Variants in SLC39A11 observed in about 807,000 individuals in gnomAD.
The protein encoded by SLC39A11 is zinc transporter ZIP11.
SLC39A11 carries 33 observed loss-of-function variants against 36.1 expected under a neutral mutation model. That is an observed-to-expected ratio of 0.91 (90% CI 0.69 to 1.22). SLC39A11 has a LOEUF of 1.22. Among genes scored for constraint, SLC39A11 ranks in the 50% most tolerant of loss-of-function variants. The pLI is 0.00. For synonymous variants in SLC39A11, 166 were observed against 170.3 expected, an observed-to-expected ratio of 0.97 and a Z score of 0.20; for missense variants, 432 against 430.3, an observed-to-expected ratio of 1.00 and a Z score of -0.03.
chr17:72,971,106 A>C (rs2148044614), intron 4 of SLC39A11, among the ~76,000 whole-genome samples: 1 of 152,260 alleles, frequency 6.6e-6, no homozygotes, highest in Non-Finnish European at 1.5e-5. Flanking sequence ...CTGCTTTCTG[A>C]TCAGTCTCTG....
At chr17:72,943,159 T>C (rs2085221129) in intron 5 of SLC39A11, among the ~76,000 whole-genome samples, 3 of 152,148 alleles carry the variant, frequency 2.0e-5, no homozygotes, top group Admixed American at 2.0e-4. Context: ...CTGAACTCCA[T>C]CGTGTTCCCG....
In SLC39A11 at chr17:72,892,120, T is replaced by G. The variant is rs2081779553; in HGVS notation, c.431-42316A>C. 3.3e-5 allele frequency among the ~76,000 whole-genome samples: 5 copies of G among 152,222 alleles called. No individual in the cohort carries two copies. The South Asian group carries it at 1.0e-3, about 32-fold the overall frequency. On this transcript the variant is annotated intron_variant, in intron 5 of 9. Transcript: ENST00000255559. ...ACATTAATAATTTCTTGTCTAATTA[T>G]AAAAAGTTATTAGAGGCTGGGCGCA... is the stretch of plus-strand genomic sequence containing the variant.
chr17:72,797,430 T>A (rs1197073652), intron 6 of SLC39A11, among the ~76,000 whole-genome samples: 1 of 152,002 alleles, frequency 6.6e-6, no homozygotes, highest in African/African-American at 2.4e-5. Context: ...TCCTCCTCCT[T>A]CCATCTTCCA....
intron 5 of SLC39A11, among the ~76,000 whole-genome samples, chr17:72,919,163 G>A (rs966154913): frequency 5.3e-5 from 8 of 152,142 alleles, no homozygotes; most frequent in African/African-American, 1.9e-4. Flanking sequence ...TCATTCTGGA[G>A]CATGGTTATA....
intron 7 of SLC39A11, among the ~76,000 whole-genome samples, chr17:72,685,937 G>A (rs1172391517): frequency 1.3e-5 from 2 of 152,020 alleles, no homozygotes; most frequent in African/African-American, 4.8e-5. Context: ...TCAGGAGGCT[G>A]AGGCAGGAGA....
intron 5 of SLC39A11, among the ~76,000 whole-genome samples, chr17:72,891,979 G>A (rs1457942587): frequency 6.6e-6 from 1 of 152,150 alleles, no homozygotes; most frequent in Non-Finnish European, 1.5e-5. Flanking sequence ...CACAGTAGGT[G>A]CTCAATAAAG....
intron 5 of SLC39A11, among the ~76,000 whole-genome samples, chr17:72,866,553 A>G (rs1441359070): frequency 2.6e-5 from 4 of 152,190 alleles, no homozygotes; most frequent in Non-Finnish European, 5.9e-5. Flanking sequence ...GATAAATAAT[A>G]CATAGACACA....
At chr17:72,860,855 G>A (rs2079940785) in intron 5 of SLC39A11, among the ~76,000 whole-genome samples, 1 of 152,114 alleles carries the variant, frequency 6.6e-6, no homozygotes, top group Non-Finnish European at 1.5e-5. Context: ...TCCTGGTTAT[G>A]CATCTTTGGG....
At chr17:72,752,155 T>C (rs1549833) in intron 6 of SLC39A11, among the ~76,000 whole-genome samples, 9,193 of 152,260 alleles carry the variant, frequency 0.06, 565 homozygotes, top group East Asian at 0.24. Flanking sequence ...AACCCTGACA[T>C]AGAAAAGAAA....
At position 73,043,398 on chromosome 17, in the gene SLC39A11, A is replaced by G. The variant is rs78427310; in HGVS notation, c.148-11684T>C. 2.6e-3 allele frequency among the ~76,000 whole-genome samples: 391 copies of G among 152,312 alleles called. 5 individuals are homozygous for G. Among genetic ancestry groups the G allele is most frequent in the South Asian group, 0.025 (121 of 4,822 alleles). ...TTGTTTCCAACTCTGGTTGTACTAT[A>G]AAATCAACCTGGAGTTTTCAAGCTA... On this transcript the variant is annotated intron_variant, in intron 3 of 9. Transcript: ENST00000255559.
chr17:72,848,947 T>C (rs545746617), intron 6 of SLC39A11, among the ~76,000 whole-genome samples: 5 of 152,310 alleles, frequency 3.3e-5, no homozygotes, highest in African/African-American at 1.2e-4. Flanking sequence ...CCCCAAAACT[T>C]AACTATGAAT....
Position 73,045,507 on chromosome 17 carries a change from C to A in SLC39A11, c.148-13793G>T, listed in dbSNP as rs2059256162. 2.6e-5 allele frequency among the ~76,000 whole-genome samples: 4 copies of A among 151,064 alleles called. No individual in the cohort carries two copies. In the South Asian group the frequency reaches 8.5e-4, roughly 32 times the overall value. The stretch of plus-strand genomic sequence containing the variant: ...CAGCCAACATTTACTAAGCAACTAC[C>A]ATGAGTGAGATGCCCAGCTGGACTG... On this transcript the variant is annotated intron_variant, in intron 3 of 9. Transcript: ENST00000255559.
chr17:73,025,687 AAAG>A (rs2058511416), intron 4 of SLC39A11, among the ~76,000 whole-genome samples: 1 of 152,258 alleles, frequency 6.6e-6, no homozygotes, highest in East Asian at 1.9e-4. Context: ...AGTCAGAAGA[AAAG>A]AAGATCGAAA....
chr17:72,949,721 A>G (rs9898875), intron 4 of SLC39A11, among the ~76,000 whole-genome samples: 3,493 of 151,910 alleles, frequency 0.023, 120 homozygotes, highest in African/African-American at 0.079. Context: ...GGATCTCAAC[A>G]TAGGAATTCT....
At chr17:72,791,879 A>G (rs2076717256) in intron 6 of SLC39A11, among the ~76,000 whole-genome samples, 1 of 152,168 alleles carries the variant, frequency 6.6e-6, no homozygotes, top group Admixed American at 6.5e-5. Context: ...AAGTTTCCTG[A>G]GGCCTCCCCA....
intron 5 of SLC39A11, among the ~76,000 whole-genome samples, chr17:72,887,306 TATC>T (rs2081483114): frequency 6.6e-6 from 1 of 152,210 alleles, no homozygotes; most frequent in Non-Finnish European, 1.5e-5. Context: ...CTCCAGTCTG[TATC>T]AGAAAGGGGC....
chr17:72,731,713 T>TTTG (rs2074225354), intron 7 of SLC39A11, among the ~76,000 whole-genome samples: 2 of 149,998 alleles, frequency 1.3e-5, no homozygotes, highest in African/African-American at 2.4e-5. Flanking sequence ...GCATTCCTTT[T>TTTG]TTTGTTTGTT....
chr17:72,826,451 T>C (rs1598890529), intron 6 of SLC39A11, among the ~76,000 whole-genome samples: 1 of 152,222 alleles, frequency 6.6e-6, no homozygotes, highest in East Asian at 1.9e-4. Flanking sequence ...ACAGCTGGAT[T>C]TCCTTTAGGG....
chr17:72,773,428 T>C (rs541864867), intron 6 of SLC39A11, among the ~76,000 whole-genome samples: 144 of 152,282 alleles, frequency 9.5e-4, no homozygotes, highest in Admixed American at 2.7e-3. Flanking sequence ...TGAGAGCTGA[T>C]GGTTTTATAA....
Sources: gnomAD v4.1 joint callset for allele counts (sites outside exome capture counted in the v4.1 genomes callset) on GRCh38, gnomAD v4.1.1 for gene constraint, MANE v1.5 for transcripts, NCBI Gene and HGNC (gene_info 2026-07-23, HGNC 2026-07-21) for gene names.